ADAM22: variants seen among roughly 807,000 people sequenced by gnomAD.
ADAM22 encodes disintegrin and metalloproteinase domain-containing protein 22.
ADAM22 carries 65 observed loss-of-function variants against 144.6 expected under a neutral mutation model. The observed-to-expected ratio is 0.45, with a 90% CI of 0.37 to 0.55. The LOEUF is 0.55. Ranked by LOEUF, ADAM22 falls within the 20% of genes least tolerant of loss-of-function variation. The pLI, the probability that ADAM22 is intolerant of heterozygous loss-of-function variation, is 0.00. For missense variants in ADAM22, 974 were observed against 1,184.9 expected (o/e 0.82, Z 2.61); for synonymous variants, 391 against 412.6 (o/e 0.95, Z 0.63).
In ADAM22 at chr7:88,022,220, CTATT is replaced by C. The variant is rs1269226347; in HGVS notation, c.323+43809_323+43812del. 3.3e-5 allele frequency among the ~76,000 whole-genome samples: 5 copies of C among 152,100 alleles called. No homozygotes were observed. In the East Asian group the frequency reaches 9.7e-4, roughly 29 times the overall value. ...CTCATTACACTTAACTATTACTTAA[CTATT>C]AATTAGCTATTACTTAACCATCACT... On this transcript the variant is annotated intron_variant, in intron 3 of 31. Coordinates refer to ENST00000413139, the MANE Select transcript of ADAM22 (RefSeq NM_001324418.2).
intron 3 of ADAM22, among the ~76,000 whole-genome samples, chr7:88,021,363 G>C (rs961681450): frequency 3.3e-5 from 5 of 152,124 alleles, no homozygotes; most frequent in Non-Finnish European, 5.9e-5. Flanking sequence ...TTTTTACAGA[G>C]TTTTAAATTT....
In ADAM22 at chr7:88,148,961, T is replaced by G; in HGVS notation, c.1486-16T>G. ...TTCTCCCTACAGTTTCACACGTTGA[T>G]TTTTGTTCATTTTAGTTTCAGCCTA... On this transcript the variant is annotated splice_polypyrimidine_tract_variant and intron_variant, in intron 17 of 31. Coordinates refer to ENST00000413139, the MANE Select transcript of ADAM22 (RefSeq NM_001324418.2). The G allele has an allele frequency of 1.9e-6, 3 of 1,601,512 alleles. No individual in the cohort carries two copies. Among genetic ancestry groups the G allele is most frequent in the Non-Finnish European group, 2.6e-6 (3 of 1,172,252 alleles).
chr7:88,115,451 G>C (rs1164518628), intron 6 of ADAM22, among the ~76,000 whole-genome samples: 2 of 152,090 alleles, frequency 1.3e-5, no homozygotes, highest in African/African-American at 4.8e-5. Flanking sequence ...GTGCCATCAG[G>C]GTTGACATCT....
intron 2 of ADAM22, among the ~76,000 whole-genome samples, chr7:87,951,931 G>T (rs532406099): frequency 0.022 from 3,230 of 145,308 alleles, 63 homozygotes; most frequent in Non-Finnish European, 0.032. Flanking sequence ...CTCATGATTT[G>T]GCTCTCTGTT....
intron 3 of ADAM22, among the ~76,000 whole-genome samples, chr7:88,055,915 T>C (rs933085078): frequency 6.6e-6 from 1 of 152,216 alleles, no homozygotes; most frequent in Admixed American, 6.5e-5. Flanking sequence ...ACCCCTATCA[T>C]GACAGATGTT....
intron 3 of ADAM22, among the ~76,000 whole-genome samples, chr7:88,039,435 G>A (rs541690964): frequency 1.2e-3 from 95 of 77,996 alleles, no homozygotes; most frequent in Non-Finnish European, 2.0e-3. Context: ...GGGCAACAGA[G>A]CGAGATTCTG....
At chr7:87,968,867 G>T (rs1196770651) in intron 2 of ADAM22, among the ~76,000 whole-genome samples, 2 of 152,180 alleles carry the variant, frequency 1.3e-5, no homozygotes, top group Admixed American at 1.3e-4. Flanking sequence ...CTTCTGGGGA[G>T]ACCTCAGGAA....
At position 87,934,966 on chromosome 7, in the gene ADAM22, T is replaced by C. The variant is rs769059145; in HGVS notation, c.86-60T>C. On this transcript the variant is annotated intron_variant, in intron 1 of 31. Transcript: ENST00000413139. The stretch of plus-strand genomic sequence containing the variant: ...GGACTGCAGGATGGAGGAGTGAGGG[T>C]CAGGGTCATTATTTTCGCCTTTTCT... 3.5e-5 allele frequency: 57 copies of C among 1,607,288 alleles called. No individual in the cohort carries two copies. The East Asian group carries it at 6.5e-4, about 18-fold the overall frequency.
At position 88,199,809 on chromosome 7, in the gene ADAM22, TTCTC is replaced by T. The variant is rs1221408837; in HGVS notation, c.*3324_*3327del. On this transcript the variant is annotated 3_prime_UTR_variant, in exon 32 of 32. Coordinates refer to ENST00000413139, the MANE Select transcript of ADAM22 (RefSeq NM_001324418.2). ...GTGCTTTATTAAGTGATACCATAGT[TTCTC>T]TCTCTTTTCCCTGTTACTTTAAAAA... is the stretch of plus-strand genomic sequence containing the variant. 6.6e-6 allele frequency: 1 copy of T among 152,198 alleles called. No homozygotes were observed. Among genetic ancestry groups the T allele is most frequent in the Non-Finnish European group, 1.5e-5 (1 of 68,038 alleles). 9.4% of individuals were successfully genotyped at this position (152,198 alleles called of 1,614,324 possible).
At chr7:87,965,857 T>A (rs1419169969) in intron 2 of ADAM22, among the ~76,000 whole-genome samples, 3 of 152,226 alleles carry the variant, frequency 2.0e-5, no homozygotes, top group Non-Finnish European at 4.4e-5. Flanking sequence ...TTATTTCTAA[T>A]TCTGTTTTTA....
In ADAM22 at chr7:88,125,884, T is replaced by A. The variant is rs77804706; in HGVS notation, c.678+225T>A. Among the ~76,000 whole-genome samples the A allele has an allele frequency of 4.0e-3, 604 of 152,138 alleles. 6 individuals are homozygous for A. The highest frequency in any genetic ancestry group is 0.014 in the African/African-American group (581 of 41,534). On this transcript the variant is annotated intron_variant, in intron 8 of 31. Transcript: ENST00000413139. ...ATAGTGGTGATAATATGTTTCTTCA[T>A]CATATTATGGGTTATGAGGCTCCTG...
chr7:88,034,662 C>T (rs192912606), intron 3 of ADAM22, among the ~76,000 whole-genome samples: 19 of 152,176 alleles, frequency 1.2e-4, no homozygotes, highest in South Asian at 2.1e-4. Flanking sequence ...TTTAGGGCAC[C>T]GAAGCACTTT....
intron 4 of ADAM22, among the ~76,000 whole-genome samples, chr7:88,081,931 C>G (rs895387347): frequency 1.3e-5 from 2 of 151,532 alleles, no homozygotes; most frequent in African/African-American, 2.4e-5. Flanking sequence ...TTTATAGATT[C>G]GATGCCATCC....
rs532274825 is a variant in ADAM22, at chr7:87,944,275, T to A, written c.246+9089T>A. 7.3e-5 allele frequency among the ~76,000 whole-genome samples: 11 copies of A among 151,334 alleles called. No homozygotes were observed. The South Asian group carries it at 2.3e-3, about 31-fold the overall frequency. ...GAGGTTAGGATGTTGGGGGTCAGGC[T>A]GGTACACACAATTTGCTGGTACACA... On this transcript the variant is annotated intron_variant, in intron 2 of 31. Transcript: ENST00000413139.
chr7:88,169,615 A>T (rs187120370), intron 25 of ADAM22, among the ~76,000 whole-genome samples: 8 of 152,220 alleles, frequency 5.3e-5, no homozygotes, highest in Admixed American at 2.0e-4. Context: ...CAGATGCTTA[A>T]AACCTATGGG....
At chr7:88,069,051 A>T (rs1185800690) in intron 3 of ADAM22, among the ~76,000 whole-genome samples, 2 of 151,984 alleles carry the variant, frequency 1.3e-5, no homozygotes, top group Non-Finnish European at 2.9e-5. Context: ...TTGGTGCCTT[A>T]TTAAAGGGCA....
At chr7:87,976,208 A>G (rs890023983) in intron 2 of ADAM22, among the ~76,000 whole-genome samples, 2 of 152,202 alleles carry the variant, frequency 1.3e-5, no homozygotes, top group Admixed American at 6.5e-5. Flanking sequence ...GAAAGGCTTC[A>G]TGGAAGAGGG....
chr7:88,202,298 C>T lies in ADAM22; in HGVS notation c.*5807C>T, dbSNP rs1851256881. On this transcript the variant is annotated 3_prime_UTR_variant, in exon 32 of 32. Transcript: ENST00000413139. ...AGATAAGCATGTACTCCTTTTTTAA[C>T]TTGCTGGAAGACTTGCCCCTCCAAA... 6.6e-6 allele frequency: 1 copy of T among 152,048 alleles called. No homozygotes were observed. 9.4% of individuals were successfully genotyped at this position (152,048 alleles called of 1,614,324 possible).
intron 3 of ADAM22, among the ~76,000 whole-genome samples, chr7:88,062,150 T>C (rs1008975214): frequency 5.3e-5 from 8 of 152,152 alleles, no homozygotes; most frequent in African/African-American, 1.9e-4. Flanking sequence ...GCCCTTCTTT[T>C]GAAGCGTTGA....
Sources: gnomAD v4.1 joint callset for allele counts (sites outside exome capture counted in the v4.1 genomes callset) on GRCh38, gnomAD v4.1.1 for gene constraint, MANE v1.5 for transcripts, NCBI Gene and HGNC (gene_info 2026-07-23, HGNC 2026-07-21) for gene names.